SNRNP70: variants seen among roughly 807,000 people sequenced by gnomAD.
SNRNP70 encodes the protein U1 small nuclear ribonucleoprotein 70 kDa.
Under a neutral mutation model 50.5 loss-of-function variants are expected in SNRNP70, and 8 were observed. The ratio of observed to expected loss-of-function variants is 0.16; its 90% confidence interval spans 0.09 to 0.29. The LOEUF (loss-of-function observed/expected upper bound fraction) is 0.29. Ranked by LOEUF, SNRNP70 falls within the 10% of genes least tolerant of loss-of-function variation. SNRNP70 has a pLI of 1.00. For missense variants in SNRNP70, 529 were observed against 663.5 expected, an observed-to-expected ratio of 0.80 and a Z score of 2.23; for synonymous variants, 320 against 252.9, an observed-to-expected ratio of 1.27 and a Z score of -2.52.
chr19:49,094,528 G>A (rs1373709957), intron 4 of SNRNP70, among the ~76,000 whole-genome samples: 3 of 152,132 alleles, frequency 2.0e-5, no homozygotes, highest in Admixed American at 2.0e-4. Flanking sequence ...TGGGAGGATA[G>A]GGATGAAACA....
chr19:49,104,118 T>TC lies in SNRNP70; in HGVS notation c.476-510dup. Reference sequence around the variant, plus strand: ...GTTCATTTTCTGTTCTGATGTCTGTTCCCCCCACACTCACCCCCCTCCAAA... The same window carrying TC: ...GTTCATTTTCTGTTCTGATGTCTGTTCCCCCCCACACTCACCCCCCTCCAAA... On this transcript the variant is annotated intron_variant, in intron 7 of 9. Coordinates refer to ENST00000598441, the MANE Select transcript of SNRNP70 (RefSeq NM_003089.6). This position sits in a 1 kb window ranked among gnomAD's most constrained non-coding sequence, Gnocchi z 5.4. 6.6e-6 allele frequency: 1 copy of TC among 150,480 alleles called. No homozygotes were observed. Among genetic ancestry groups the TC allele is most frequent in the Non-Finnish European group, 1.5e-5 (1 of 68,624 alleles). The allele number at this position is 150,480 out of a possible 1,614,324, so 9.3% of individuals were successfully genotyped here.
At chr19:49,101,965 C>T (rs2040594147) in intron 7 of SNRNP70, 2 of 405,468 alleles carry the variant, frequency 4.9e-6, no homozygotes, top group Non-Finnish European at 9.8e-6. Flanking sequence ...GGGTGATAGG[C>T]ATGTTGAGCG....
intron 4 of SNRNP70, among the ~76,000 whole-genome samples, chr19:49,094,492 C>G (rs1169502852): frequency 6.6e-5 from 10 of 152,010 alleles, no homozygotes; most frequent in Admixed American, 6.6e-4. Context: ...GAGCAAGACT[C>G]CGTCTCAAAA....
At chr19:49,100,712 A>G (rs376352270) in intron 6 of SNRNP70, among the ~76,000 whole-genome samples, 12 of 151,360 alleles carry the variant, frequency 7.9e-5, no homozygotes, top group African/African-American at 2.7e-4. Context: ...AGGCTGAGGC[A>G]GGAGAATCGC....
At chr19:49,092,387 A>G (rs1206735337) in intron 4 of SNRNP70, among the ~76,000 whole-genome samples, 1 of 150,322 alleles carries the variant, frequency 6.7e-6, no homozygotes, top group African/African-American at 2.4e-5. Context: ...GATTATAGGC[A>G]TGAGCCACCG....
At position 49,104,856 on chromosome 19, in the gene SNRNP70, C is replaced by T. The variant is rs540502104; in HGVS notation, c.577+121C>T. 1.5e-4 allele frequency: 92 copies of T among 607,944 alleles called. 1 individual carries two copies. In the African/African-American group the frequency reaches 1.5e-3, roughly 10 times the overall value. The allele number at this position is 607,944 out of a possible 1,614,324, so 37.7% of individuals were successfully genotyped here. On this transcript the variant is annotated intron_variant, in intron 8 of 9. Transcript: ENST00000598441. This position sits in a 1 kb window ranked among gnomAD's most constrained non-coding sequence, Gnocchi z 5.4. The stretch of plus-strand genomic sequence containing the variant: ...CGGCCCACCTCTCCCATCGCGTCCT[C>T]ATCTCCGGCTTCTCTCTCTTGTGGC...
At chr19:49,094,689 C>G (rs935670119) in intron 4 of SNRNP70, among the ~76,000 whole-genome samples, 1 of 152,208 alleles carries the variant, frequency 6.6e-6, no homozygotes, top group Non-Finnish European at 1.5e-5. Flanking sequence ...AGAGCCTCCA[C>G]TCATAGCTAT....
In SNRNP70 at chr19:49,108,462, C is replaced by G; in HGVS notation, c.*19C>G. 1 of 1,578,028 alleles carries G rather than the reference C, an allele frequency of 6.3e-7. No individual in the cohort carries two copies. The highest frequency in any genetic ancestry group is 8.6e-7 in the Non-Finnish European group (1 of 1,163,106). ...GGAGTGAAGAGGTCGTCCTCTCCAT[C>G]TGCTGTGTTTGGACGCGTTCCTGCC... On this transcript the variant is annotated 3_prime_UTR_variant, in exon 10 of 10. Coordinates refer to ENST00000598441, the MANE Select transcript of SNRNP70 (RefSeq NM_003089.6).
In SNRNP70 at chr19:49,100,886, C is replaced by T. The variant is rs182972153; in HGVS notation, c.394-504C>T. Among the ~76,000 whole-genome samples, 370 of 152,174 alleles carry T rather than the reference C, an allele frequency of 2.4e-3. 1 individual carries two copies. Among genetic ancestry groups the T allele is most frequent in the African/African-American group, 7.3e-3 (301 of 41,514 alleles). On this transcript the variant is annotated intron_variant, in intron 6 of 9. Coordinates refer to ENST00000598441, the MANE Select transcript of SNRNP70 (RefSeq NM_003089.6). Reference sequence around the variant, plus strand: ...CTGTTTCCCTAATTCCATTTGTGTCCTCCTGACTCCACGTAGACCACCCAC... The same window carrying T: ...CTGTTTCCCTAATTCCATTTGTGTCTTCCTGACTCCACGTAGACCACCCAC...
chr19:49,105,226 C>T (rs565152036), intron 8 of SNRNP70, among the ~76,000 whole-genome samples: 153 of 152,230 alleles, frequency 1.0e-3, no homozygotes, highest in African/African-American at 3.6e-3. Flanking sequence ...AACACAGAGG[C>T]AGCCTCTGCC....
chr19:49,107,656 G>A lies in SNRNP70; in HGVS notation c.609G>A (p.Gly203=), dbSNP rs1169804024. The change falls in exon 9 of 10, where the codon GGG becomes GGA. Residue 203 remains glycine, a synonymous_variant. Transcript: ENST00000598441. This position sits in a 1 kb window ranked among gnomAD's most constrained non-coding sequence, Gnocchi z 6.0. The part of the protein sequence containing the change: ...GGGLGGTRRG[G]ADVNIRHSGR... ...GCCTCGGTGGTACCAGAAGAGGAGG[G>A]GCTGATGTGAACATCCGGCATTCAG... 4.3e-6 allele frequency: 7 copies of A among 1,613,894 alleles called. No homozygotes were observed. Among genetic ancestry groups the A allele is most frequent in the African/African-American group, 2.7e-5 (2 of 74,882 alleles).
chr19:49,104,597 G>A lies in SNRNP70; in HGVS notation c.476-37G>A. 1 of 1,495,068 alleles carries A rather than the reference G, an allele frequency of 6.7e-7. No homozygotes were observed. 92.6% of individuals were successfully genotyped at this position (1,495,068 alleles called of 1,614,324 possible). ...TGTCCTGACTAGAGGACCCTCTGGG[G>A]ACTCCTCTCCCCTCCCCCTCCCCAC... On this transcript the variant is annotated intron_variant, in intron 7 of 9. Transcript: ENST00000598441. This position sits in a 1 kb window ranked among gnomAD's most constrained non-coding sequence, Gnocchi z 5.4.
In SNRNP70 at chr19:49,098,501, C is replaced by T. The variant is rs748944249; in HGVS notation, c.330+10C>T. 1.9e-6 allele frequency: 3 copies of T among 1,612,638 alleles called. No individual in the cohort carries two copies. The highest frequency in any genetic ancestry group is 2.5e-6 in the Non-Finnish European group (3 of 1,178,924). ...CTTCGTGGCGAGAGTGGTAAGTCCC[C>T]AGCTCCTAGCTCCTGGAACCCCACG... On this transcript the variant is annotated intron_variant, in intron 5 of 9. Coordinates refer to ENST00000598441, the MANE Select transcript of SNRNP70 (RefSeq NM_003089.6).
intron 2 of SNRNP70, among the ~76,000 whole-genome samples, chr19:49,087,310 T>C (rs2040394624): frequency 6.6e-6 from 1 of 152,156 alleles, no homozygotes; most frequent in African/African-American, 2.4e-5. Flanking sequence ...GGGCAAATGT[T>C]GTATCCTCTT....
At chr19:49,100,161 G>A (rs1179070342) in intron 6 of SNRNP70, among the ~76,000 whole-genome samples, 2 of 152,140 alleles carry the variant, frequency 1.3e-5, no homozygotes, top group Non-Finnish European at 2.9e-5. Flanking sequence ...CTCAAATGCT[G>A]TTACCTCCCA....
intron 4 of SNRNP70, among the ~76,000 whole-genome samples, chr19:49,091,262 G>A (rs551220412): frequency 1.3e-5 from 2 of 151,916 alleles, no homozygotes; most frequent in East Asian, 1.9e-4. Context: ...CCAGCTACTC[G>A]GGAGACTGAG....
intron 4 of SNRNP70, among the ~76,000 whole-genome samples, chr19:49,092,040 C>T (rs2040453452): frequency 6.6e-6 from 1 of 152,136 alleles, no homozygotes; most frequent in South Asian, 2.1e-4. Flanking sequence ...TCATCACCAC[C>T]CAGGTCACCT....
At chr19:49,098,152 G>A (rs1000667904) in intron 4 of SNRNP70, among the ~76,000 whole-genome samples, 2 of 152,172 alleles carry the variant, frequency 1.3e-5, no homozygotes, top group African/African-American at 2.4e-5. Flanking sequence ...TGGCAGTTGG[G>A]CCTGCCCACA....
chr19:49,104,810 T>G lies in SNRNP70; in HGVS notation c.577+75T>G. 1 of 912,168 alleles carries G rather than the reference T, an allele frequency of 1.1e-6. No homozygotes were observed. Among genetic ancestry groups the G allele is most frequent in the Non-Finnish European group, 1.6e-6 (1 of 618,244 alleles). 56.5% of individuals were successfully genotyped at this position (912,168 alleles called of 1,614,324 possible). A position where few individuals can be genotyped will look rare whatever the true frequency, so the allele number is the denominator to read the frequency against. ...GCCTTGTTCTCCCTTCTCTGCTGCTTTCTGCTTCTCTGTCTCCTGCCGGCC... is the reference window on the plus strand; with the variant it reads ...GCCTTGTTCTCCCTTCTCTGCTGCTGTCTGCTTCTCTGTCTCCTGCCGGCC... On this transcript the variant is annotated intron_variant, in intron 8 of 9. Coordinates refer to ENST00000598441, the MANE Select transcript of SNRNP70 (RefSeq NM_003089.6). The surrounding 1 kb of genome is among the most constrained non-coding windows in gnomAD (Gnocchi z 5.4).
Sources: allele counts gnomAD v4.1 joint callset (sites outside exome capture counted in the v4.1 genomes callset), GRCh38; gene constraint gnomAD v4.1.1; non-coding constraint Gnocchi (gnomAD v3.1); transcripts MANE v1.5; gene names NCBI Gene and HGNC (gene_info 2026-07-23, HGNC 2026-07-21).